The following HSD17B10 variants were observed in gnomAD, a reference collection of about 807,000 sequenced individuals.
HSD17B10 encodes 3-hydroxyacyl-CoA dehydrogenase type-2.
For synonymous variants in HSD17B10, 90 were observed against 85.9 expected, an observed-to-expected ratio of 1.05 and a Z score of -0.26; for missense variants, 87 against 219.4, an observed-to-expected ratio of 0.40 and a Z score of 3.81.
Position 53,431,335 on chromosome X carries a change from C to T in HSD17B10, c.*69G>A. The T allele has an allele frequency of 9.5e-7, 1 of 1,051,012 alleles. No homozygotes were observed. Among genetic ancestry groups the T allele is most frequent in the East Asian group, 3.1e-5 (1 of 32,711 alleles). 86.6% of individuals were successfully genotyped at this position (1,051,012 alleles called of 1,213,427 possible). A position where few individuals can be genotyped will look rare whatever the true frequency, so the allele number is the denominator to read the frequency against. On this transcript the variant is annotated 3_prime_UTR_variant, in exon 6 of 6. Transcript: ENST00000168216. Reference sequence around the variant, plus strand: ...TACAAAATGGCTACTGGGCTTCCTCCCAAGCTGGAGAGTAGTACCCCAGGG... The same window carrying T: ...TACAAAATGGCTACTGGGCTTCCTCTCAAGCTGGAGAGTAGTACCCCAGGG...
At chrX:53,434,166 GCTGA>G (rs782200647) in intron 1 of HSD17B10, 149 bp downstream of exon 1, 12 of 626,908 alleles carry the variant, frequency 1.9e-5, no homozygotes, top group South Asian at 1.9e-4. Context: ...GCCGCGGAGT[GCTGA>G]CTTTCACCTC....
chrX:53,431,776 T>C (rs1036579268), intron 5 of HSD17B10, 22 bp downstream of exon 5: 1 of 1,159,361 alleles, frequency 8.6e-7, no homozygotes, highest in South Asian at 1.8e-5. Flanking sequence ...CCAGGTATGA[T>C]GGAGAGAGGG....
intron 2 of HSD17B10, chrX:53,432,737 A>G (rs1461579593): frequency 3.7e-6 from 1 of 268,627 alleles, no homozygotes; most frequent in Non-Finnish European, 6.8e-6. Context: ...AATCCCAGCT[A>G]CTTGGAAGGC....
At chrX:53,433,960 T>A in intron 1 of HSD17B10, 74 bp from the exon 2 acceptor site, 1 of 1,088,422 alleles carries the variant, frequency 9.2e-7, no homozygotes, top group Non-Finnish European at 1.3e-6. Flanking sequence ...CTGCCTGTTC[T>A]CCAGGCTTCT....
intron 5 of HSD17B10, 48 bp downstream of exon 5, chrX:53,431,750 T>A (rs1393507009): frequency 4.5e-6 from 5 of 1,106,152 alleles, no homozygotes; most frequent in Non-Finnish European, 6.2e-6. Flanking sequence ...CAACTGTCCA[T>A]GGATCCCACC....
chrX:53,432,108 G>A lies in HSD17B10; in HGVS notation c.366C>T (p.Leu122=), dbSNP rs797045616. 3.3e-6 allele frequency: 4 copies of A among 1,211,677 alleles called. No homozygotes were observed. Among genetic ancestry groups the A allele is most frequent in the Non-Finnish European group, 4.5e-6 (4 of 895,428 alleles). The change falls in exon 4 of 6, where the codon CTC becomes CTT. Residue 122 remains leucine, a synonymous_variant. Coordinates refer to ENST00000168216, the MANE Select transcript of HSD17B10 (RefSeq NM_004493.3). ...GGCGGATCACATTGAAGGTGCCCATGAGATTCACCTGTAGGACAGATGGAG... is the reference window on the plus strand; with the variant it reads ...GGCGGATCACATTGAAGGTGCCCATAAGATTCACCTGTAGGACAGATGGAG... ...EDFQRVLDVN[L]MGTFNVIRLV...
rs2075825203 is a variant in HSD17B10 at position 53,431,602 on chromosome X, A to G, written c.596-8T>C. 2 of 1,185,835 alleles carry G rather than the reference A, an allele frequency of 1.7e-6. No individual in the cohort carries two copies. Among genetic ancestry groups the G allele is most frequent in the East Asian group, 3.0e-5 (1 of 33,254 alleles). On this transcript the variant is annotated splice_polypyrimidine_tract_variant and splice_region_variant and intron_variant, in intron 5 of 5. Transcript: ENST00000168216. ...GTGGGGTGCCAAACAGACCTAAACA[A>G]TATAGCCAAATTCAGAGACTCACCC...
chrX:53,431,264 G>T lies in HSD17B10; in HGVS notation c.*140C>A. ...GCACACAACACTGCCTACACTCTGT[G>T]AGAAAAAGAGACTTTATTAGGCACA... On this transcript the variant is annotated 3_prime_UTR_variant, in exon 6 of 6. Transcript: ENST00000168216. 2 of 657,342 alleles carry T rather than the reference G, an allele frequency of 3.0e-6. No homozygotes were observed. Among genetic ancestry groups the T allele is most frequent in the South Asian group, 2.5e-5 (1 of 39,606 alleles). The allele number at this position is 657,342 out of a possible 1,213,427, so 54.2% of individuals were successfully genotyped here.
chrX:53,434,019 T>C (rs782407162), intron 1 of HSD17B10, 133 bp from the exon 2 acceptor site: 2 of 731,316 alleles, frequency 2.7e-6, no homozygotes, highest in Non-Finnish European at 4.1e-6. Context: ...GCGGGTAAAC[T>C]AGGTGTGCTG....
In HSD17B10 at chrX:53,431,848, A is replaced by G; in HGVS notation, c.545T>C (p.Ile182Thr). 1 of 1,210,864 alleles carries G rather than the reference A, an allele frequency of 8.3e-7. No individual in the cohort carries two copies. Among genetic ancestry groups the G allele is most frequent in the Non-Finnish European group, 1.1e-6 (1 of 894,788 alleles). The change falls in exon 5 of 6, where the codon ATT (isoleucine) becomes ACT (threonine). Residue 182 changes from isoleucine to threonine, a missense_variant. Physicochemically the swap from Ile to Thr is moderately conservative, Grantham distance 89. Transcript: ENST00000168216. ...ACCTATGGGAGCCAGATCCCGAGCA[A>G]TGGGCAGTGTCATGCCCACTATTCC... Reference protein sequence around the residue: ...KGGIVGMTLPIARDLAPIGIR... With the variant: ...KGGIVGMTLPTARDLAPIGIR...
rs782515728 is a variant in HSD17B10, at chrX:53,431,709, TGCTGCTTA to T, written c.595+81_595+88del. The T allele has an allele frequency of 4.6e-5, 47 of 1,016,239 alleles. No homozygotes were observed. In the South Asian group the frequency reaches 9.4e-4, roughly 20 times the overall value. 83.7% of individuals were successfully genotyped at this position (1,016,239 alleles called of 1,213,427 possible). ...CTGGGGCCCAAAGATAAAAGGCTGC[TGCTGCTTA>T]GGTGGTGGATACCTTCCCCTCTCAA... On this transcript the variant is annotated intron_variant, in intron 5 of 5. Transcript: ENST00000168216.
At chrX:53,432,844 C>CA in intron 2 of HSD17B10, 3 of 189,125 alleles carry the variant, frequency 1.6e-5, no homozygotes, top group Non-Finnish European at 3.0e-5. Flanking sequence ...AGACTCTGTC[C>CA]CAAAAAAAAA....
At chrX:53,432,616 G>T in intron 2 of HSD17B10, 1 of 445,859 alleles carries the variant, frequency 2.2e-6, no homozygotes, top group Non-Finnish European at 4.0e-6. Context: ...TTGGGAGGCC[G>T]AGGCTGGTGG....
intron 3 of HSD17B10, 65 bp downstream of exon 3, chrX:53,432,182 T>G (rs782212120): frequency 2.5e-6 from 3 of 1,207,951 alleles, no homozygotes; most frequent in Non-Finnish European, 3.4e-6. Context: ...CCTAAAAACT[T>G]TGGGGTCCTC....
At chrX:53,433,521 C>T (rs1194037767) in intron 2 of HSD17B10, among the ~76,000 whole-genome samples, 1 of 112,611 alleles carries the variant, frequency 8.9e-6, no homozygotes, top group African/African-American at 3.2e-5. Context: ...AATCCCCATC[C>T]TCATTGTTGT....
intron 2 of HSD17B10, among the ~76,000 whole-genome samples, chrX:53,433,503 T>C (rs189188210): frequency 8.9e-5 from 10 of 112,781 alleles, no homozygotes; most frequent in African/African-American, 3.2e-4. Context: ...CAGGAGATTG[T>C]TACGTCCAAT....
chrX:53,432,242 C>A lies in HSD17B10; in HGVS notation c.357+5G>T. The A allele has an allele frequency of 1.7e-6, 2 of 1,209,205 alleles. No homozygotes were observed. Among genetic ancestry groups the A allele is most frequent in the South Asian group, 3.5e-5 (2 of 56,702 alleles). On this transcript the variant is annotated splice_donor_5th_base_variant and intron_variant, in intron 3 of 5. Transcript: ENST00000168216. ...ACTATCCCTGGAGAACTTCCAAGGCCTTACATCAAGAACTCGCTGGAAGTC... is the reference window on the plus strand; with the variant it reads ...ACTATCCCTGGAGAACTTCCAAGGCATTACATCAAGAACTCGCTGGAAGTC...
chrX:53,434,359 A>G lies in HSD17B10; in HGVS notation c.-14T>C. The G allele has an allele frequency of 8.6e-7, 1 of 1,167,203 alleles. No individual in the cohort carries two copies. The highest frequency in any genetic ancestry group is 1.1e-6 in the Non-Finnish European group (1 of 872,802). On this transcript the variant is annotated 5_prime_UTR_variant, in exon 1 of 6. Coordinates refer to ENST00000168216, the MANE Select transcript of HSD17B10 (RefSeq NM_004493.3). Reference sequence around the variant, plus strand: ...CGCTGCTGCCATCTTGTCGCCGGCCACTCCACGGGATGGGGATGGGGGCGC... The same window carrying G: ...CGCTGCTGCCATCTTGTCGCCGGCCGCTCCACGGGATGGGGATGGGGGCGC...
Position 53,432,277 on chromosome X carries a change from A to G in HSD17B10, c.327T>C (p.His109=), listed in dbSNP as rs2075827894. The G allele has an allele frequency of 8.3e-7, 1 of 1,211,091 alleles. No individual in the cohort carries two copies. Among genetic ancestry groups the G allele is most frequent in the Non-Finnish European group, 1.1e-6 (1 of 895,077 alleles). ...GAACTCGCTGGAAGTCTTCCAAGGT[A>G]TGGGTCTGGCCCTTCTTTAAGTTGT... is the stretch of plus-strand genomic sequence containing the variant. The part of the protein sequence containing the change: ...KTYNLKKGQT[H]TLEDFQRVLD... The change falls in exon 3 of 6, where the codon CAT becomes CAC. Residue 109 remains histidine (H), a synonymous_variant. Coordinates refer to ENST00000168216, the MANE Select transcript of HSD17B10 (RefSeq NM_004493.3).
Sources: gnomAD v4.1 joint callset for allele counts (sites outside exome capture counted in the v4.1 genomes callset) on GRCh38, gnomAD v4.1.1 for gene constraint, MANE v1.5 for transcripts, NCBI Gene and HGNC (gene_info 2026-07-23, HGNC 2026-07-21) for gene names.